Variants in CYTH3 observed in about 807,000 individuals in gnomAD.
CYTH3 encodes the protein cytohesin-3.
In CYTH3, 23 loss-of-function variants were observed where a neutral mutation model predicts 55.1. The ratio of observed to expected loss-of-function variants is 0.42; its 90% CI spans 0.30 to 0.59. The LOEUF (loss-of-function observed/expected upper bound fraction) is 0.59, where lower values mean the gene tolerates loss of function less well. Ranked by LOEUF, CYTH3 falls within the 20% of genes least tolerant of loss-of-function variation. The pLI is 0.20. For missense variants in CYTH3, 413 were observed against 524.8 expected (o/e 0.79, Z 2.08); for synonymous variants, 249 against 194.9 (o/e 1.28, Z -2.31).
intron 4 of CYTH3, among the ~76,000 whole-genome samples, chr7:6,184,957 G>A (rs1488810266): frequency 6.6e-6 from 1 of 152,172 alleles, no homozygotes; most frequent in Non-Finnish European, 1.5e-5. Flanking sequence ...ACTTACTGGT[G>A]TGCTGCCCTG....
At chr7:6,203,460 T>C (rs1336003478) in intron 1 of CYTH3, among the ~76,000 whole-genome samples, 1 of 152,170 alleles carries the variant, frequency 6.6e-6, no homozygotes, top group African/African-American at 2.4e-5. Flanking sequence ...AGTCTAGTCA[T>C]TGCCACAGAT....
chr7:6,177,453 A>C (rs1400379527), intron 5 of CYTH3, among the ~76,000 whole-genome samples: 1 of 152,254 alleles, frequency 6.6e-6, no homozygotes, highest in Non-Finnish European at 1.5e-5. Context: ...TACTGCAAGT[A>C]ACAGGAGAAA....
chr7:6,226,202 C>T (rs915480535), intron 1 of CYTH3, among the ~76,000 whole-genome samples: 6 of 152,146 alleles, frequency 3.9e-5, no homozygotes, highest in Non-Finnish European at 7.4e-5. Flanking sequence ...AGAGGTCTCC[C>T]TAAAGATCCA....
chr7:6,168,366 C>T (rs1192565468), intron 9 of CYTH3, among the ~76,000 whole-genome samples: 2 of 151,898 alleles, frequency 1.3e-5, no homozygotes, highest in Non-Finnish European at 2.9e-5. Flanking sequence ...GTTCTAAAAG[C>T]AAATCTACAA....
intron 1 of CYTH3, among the ~76,000 whole-genome samples, chr7:6,219,196 A>G (rs191302175): frequency 6.6e-6 from 1 of 152,270 alleles, no homozygotes; most frequent in Admixed American, 6.5e-5. Flanking sequence ...ACTATTATAT[A>G]CTAGCAGAAA....
At chr7:6,189,900 G>C (rs1214563598) in intron 2 of CYTH3, among the ~76,000 whole-genome samples, 1 of 152,028 alleles carries the variant, frequency 6.6e-6, no homozygotes, top group Non-Finnish European at 1.5e-5. Context: ...GCTGGGTGTG[G>C]TGGTGGGTGC....
At chr7:6,243,376 C>A (rs1779722356) in intron 1 of CYTH3, among the ~76,000 whole-genome samples, 1 of 152,166 alleles carries the variant, frequency 6.6e-6, no homozygotes, top group African/African-American at 2.4e-5. Flanking sequence ...ACAAAGCTAA[C>A]CGAGCACATG....
chr7:6,219,389 G>A (rs551704826), intron 1 of CYTH3, among the ~76,000 whole-genome samples: 1 of 152,314 alleles, frequency 6.6e-6, no homozygotes, highest in Non-Finnish European at 1.5e-5. Context: ...AGGAACCAGG[G>A]CTTAATTTGG....
chr7:6,184,904 T>C (rs1183702985), intron 4 of CYTH3, among the ~76,000 whole-genome samples: 52 of 152,282 alleles, frequency 3.4e-4, no homozygotes, highest in Admixed American at 3.3e-3. Flanking sequence ...AAAAAATAAG[T>C]ATTTATTTGT....
chr7:6,263,852 G>A (rs542401406), intron 1 of CYTH3, among the ~76,000 whole-genome samples: 302 of 151,606 alleles, frequency 2.0e-3, no homozygotes, highest in Middle Eastern at 3.2e-3. Context: ...AAACGTGATC[G>A]CAGTTAAATT....
chr7:6,175,545 CTTTTTTTTTTTTT>C (rs1177188782), intron 5 of CYTH3, among the ~76,000 whole-genome samples: 3 of 89,004 alleles, frequency 3.4e-5, no homozygotes, highest in Admixed American at 2.7e-4. Context: ...ACACTTTAGT[CTTTTTTTTTTTTT>C]TTTTTTTTTG....
intron 1 of CYTH3, among the ~76,000 whole-genome samples, chr7:6,253,340 G>C (rs567580761): frequency 6.6e-6 from 1 of 151,252 alleles, no homozygotes; most frequent in Admixed American, 6.6e-5. Context: ...GCCTCAGCTT[G>C]AGATTTCAGG....
At chr7:6,188,176 C>T (rs914644202) in intron 2 of CYTH3, among the ~76,000 whole-genome samples, 2 of 151,814 alleles carry the variant, frequency 1.3e-5, no homozygotes, top group Non-Finnish European at 1.5e-5. Flanking sequence ...AAAAGAAAAA[C>T]AGAAAAATTA....
At chr7:6,265,761 T>C (rs1212785344) in intron 1 of CYTH3, among the ~76,000 whole-genome samples, 1 of 152,090 alleles carries the variant, frequency 6.6e-6, no homozygotes, top group Non-Finnish European at 1.5e-5. Flanking sequence ...TGACATGACC[T>C]GCGTGTCAAA....
intron 1 of CYTH3, among the ~76,000 whole-genome samples, chr7:6,259,826 ATATATATTTTT>A (rs1780301081): frequency 1.3e-4 from 3 of 22,780 alleles, no homozygotes; most frequent in African/African-American, 3.8e-4. Flanking sequence ...ATATATATAT[ATATATATTTTT>A]TTTTTTTTTT....
At chr7:6,242,713 C>T (rs1408715811) in intron 1 of CYTH3, among the ~76,000 whole-genome samples, 2 of 152,082 alleles carry the variant, frequency 1.3e-5, no homozygotes, top group African/African-American at 2.4e-5. Context: ...ACATTTTCAA[C>T]AAGTGAAGGC....
At chr7:6,232,813 T>C (rs1029659709) in intron 1 of CYTH3, among the ~76,000 whole-genome samples, 1 of 152,180 alleles carries the variant, frequency 6.6e-6, no homozygotes, top group Admixed American at 6.5e-5. Flanking sequence ...ACCCTTCCAA[T>C]GATTTCCTTA....
At chr7:6,234,032 G>C (rs574618291) in intron 1 of CYTH3, among the ~76,000 whole-genome samples, 4 of 152,142 alleles carry the variant, frequency 2.6e-5, no homozygotes, top group Non-Finnish European at 5.9e-5. Context: ...AGTACCATCA[G>C]GCCCACCTCC....
chr7:6,261,915 C>T (rs189755352), intron 1 of CYTH3, among the ~76,000 whole-genome samples: 26 of 152,030 alleles, frequency 1.7e-4, no homozygotes, highest in African/African-American at 6.0e-4. Context: ...TACAAGGCAT[C>T]CAAATATCGG....
Sources: allele counts gnomAD v4.1 joint callset (sites outside exome capture counted in the v4.1 genomes callset), GRCh38; gene constraint gnomAD v4.1.1; transcripts MANE v1.5; gene names NCBI Gene and HGNC (gene_info 2026-07-23, HGNC 2026-07-21).